PLXDC2: variants seen among roughly 807,000 people sequenced by gnomAD.
PLXDC2 encodes the protein plexin domain containing 2.
In PLXDC2, 40 loss-of-function variants were observed where a neutral mutation model predicts 68.9. The observed-to-expected ratio is 0.58, with a 90% CI of 0.45 to 0.76. PLXDC2 has a LOEUF of 0.76. Among genes scored for constraint, PLXDC2 ranks in the 30% least tolerant of loss-of-function variants. PLXDC2 has a pLI of 0.00. For synonymous variants in PLXDC2, 243 were observed against 234.2 expected (o/e 1.04, Z -0.34); for missense variants, 644 against 661.9 (o/e 0.97, Z 0.30).
intron 6 of PLXDC2, among the ~76,000 whole-genome samples, chr10:20,153,214 G>T (rs1834173396): frequency 6.6e-6 from 1 of 152,162 alleles, no homozygotes; most frequent in African/African-American, 2.4e-5. Flanking sequence ...GCTATGGAAT[G>T]AAAATGACTA....
intron 7 of PLXDC2, among the ~76,000 whole-genome samples, chr10:20,170,001 A>G (rs984404445): frequency 6.6e-6 from 1 of 152,236 alleles, no homozygotes; most frequent in African/African-American, 2.4e-5. Context: ...GTTACAATGC[A>G]CCTTTGCTTG....
chr10:20,142,613 T>A (rs1054140153), intron 4 of PLXDC2, among the ~76,000 whole-genome samples: 6 of 152,082 alleles, frequency 3.9e-5, no homozygotes. Context: ...ATTATCCAAC[T>A]GCTAGAATAG....
intron 1 of PLXDC2, among the ~76,000 whole-genome samples, chr10:19,860,435 G>T (rs1837297513): frequency 6.6e-6 from 1 of 152,152 alleles, no homozygotes; most frequent in Non-Finnish European, 1.5e-5. Context: ...ATGAGCGAAA[G>T]AAATCAATGA....
chr10:20,060,306 G>A (rs953193403), intron 3 of PLXDC2, among the ~76,000 whole-genome samples: 2 of 151,932 alleles, frequency 1.3e-5, no homozygotes, highest in Non-Finnish European at 2.9e-5. Context: ...ACAAGTGTGA[G>A]CCACCACACC....
At chr10:19,989,048 G>T (rs1170900359) in intron 1 of PLXDC2, among the ~76,000 whole-genome samples, 1 of 151,766 alleles carries the variant, frequency 6.6e-6, no homozygotes, top group Non-Finnish European at 1.5e-5. Context: ...GATCCACCAG[G>T]CTTGGCCTCC....
rs200823056 is a variant in PLXDC2 at position 19,916,126 on chromosome 10, G to GTTT, written c.113-85647_113-85645dup. On this transcript the variant is annotated intron_variant, in intron 1 of 13. Transcript: ENST00000377252. ...GGGGAAATTATGTGGAGGGAGTTGT[G>GTTT]TTTTGTTTTGTTTTTTTTTTTTAAT... Among the ~76,000 whole-genome samples, 28 of 125,720 alleles carry GTTT rather than the reference G, an allele frequency of 2.2e-4. 1 individual carries two copies. Among genetic ancestry groups the GTTT allele is most frequent in the Admixed American group, 3.8e-4 (5 of 13,048 alleles). 82.5% of individuals were successfully genotyped at this position (125,720 alleles called of 152,430 possible).
At chr10:20,103,666 C>T (rs1202518732) in intron 4 of PLXDC2, among the ~76,000 whole-genome samples, 3 of 138,272 alleles carry the variant, frequency 2.2e-5, no homozygotes, top group South Asian at 2.2e-4. Flanking sequence ...TTTTTTGAGA[C>T]GGAGTATCGT....
At chr10:20,188,156 T>A (rs1834711786) in intron 9 of PLXDC2, among the ~76,000 whole-genome samples, 1 of 151,610 alleles carries the variant, frequency 6.6e-6, no homozygotes, top group African/African-American at 2.4e-5. Context: ...TAAATATATA[T>A]TAAAATAGTT....
intron 1 of PLXDC2, among the ~76,000 whole-genome samples, chr10:19,827,979 T>C (rs1836606823): frequency 6.6e-6 from 1 of 152,220 alleles, no homozygotes; most frequent in Non-Finnish European, 1.5e-5. Flanking sequence ...ATACATCTAA[T>C]TGTTTCCTAG....
Position 19,917,336 on chromosome 10 carries a change from G to T in PLXDC2, c.113-84439G>T, listed in dbSNP as rs186264705. ...TTATGTTCTTGGTGGGCTACAGTTCGCTTTAAGCTCAGCCAGGCTACCTTA... is the reference window on the plus strand; with the variant it reads ...TTATGTTCTTGGTGGGCTACAGTTCTCTTTAAGCTCAGCCAGGCTACCTTA... On this transcript the variant is annotated intron_variant, in intron 1 of 13. Coordinates refer to ENST00000377252, the MANE Select transcript of PLXDC2 (RefSeq NM_032812.9). Among the ~76,000 whole-genome samples the T allele has an allele frequency of 2.8e-4, 42 of 152,068 alleles. No individual in the cohort carries two copies. In the East Asian group the frequency reaches 5.2e-3, roughly 19 times the overall value.
At chr10:20,149,229 CTTTTTTTTTT>C (rs71200986) in intron 6 of PLXDC2, among the ~76,000 whole-genome samples, 2 of 34,938 alleles carry the variant, frequency 5.7e-5, no homozygotes, top group South Asian at 1.7e-3. Context: ...TTTTTCTTTT[CTTTTTTTTTT>C]TTTTTTTTTT....
At chr10:19,841,268 A>G (rs983577906) in intron 1 of PLXDC2, among the ~76,000 whole-genome samples, 40 of 152,224 alleles carry the variant, frequency 2.6e-4, no homozygotes, top group African/African-American at 9.2e-4. Flanking sequence ...TTAAAAAATC[A>G]GCCCATGCCC....
chr10:19,942,788 C>G (rs1444303901), intron 1 of PLXDC2, among the ~76,000 whole-genome samples: 2 of 151,958 alleles, frequency 1.3e-5, no homozygotes, highest in Non-Finnish European at 2.9e-5. Flanking sequence ...GAAAACAAAA[C>G]CAAAAAACCG....
intron 6 of PLXDC2, among the ~76,000 whole-genome samples, chr10:20,154,688 T>G (rs1365567868): frequency 6.6e-6 from 1 of 152,174 alleles, no homozygotes; most frequent in East Asian, 1.9e-4. Context: ...TGACTTGTCT[T>G]ATCTCTATTC....
intron 1 of PLXDC2, among the ~76,000 whole-genome samples, chr10:19,879,857 A>G (rs1837697654): frequency 6.6e-6 from 1 of 152,120 alleles, no homozygotes. Context: ...GCCATTCTGA[A>G]TGTTTGGAAA....
intron 12 of PLXDC2, among the ~76,000 whole-genome samples, chr10:20,238,563 C>G (rs1835464375): frequency 6.7e-6 from 1 of 150,090 alleles, no homozygotes; most frequent in African/African-American, 2.4e-5. Context: ...AGGAGAATTA[C>G]CTGAATCCGG....
intron 1 of PLXDC2, among the ~76,000 whole-genome samples, chr10:19,931,281 T>C (rs529093692): frequency 6.6e-6 from 1 of 152,342 alleles, no homozygotes; most frequent in Admixed American, 6.5e-5. Flanking sequence ...GCTTCCAGTG[T>C]GCACTCCTTC....
chr10:20,124,728 C>T (rs1265664602), intron 4 of PLXDC2, among the ~76,000 whole-genome samples: 1 of 149,102 alleles, frequency 6.7e-6, no homozygotes, highest in African/African-American at 2.5e-5. Flanking sequence ...GTGGGGGTCA[C>T]AAGGTACTCA....
chr10:20,263,739 T>C (rs548799152), intron 13 of PLXDC2, among the ~76,000 whole-genome samples: 16 of 152,154 alleles, frequency 1.1e-4, no homozygotes, highest in Admixed American at 3.9e-4. Context: ...CACTGATCAT[T>C]AAAGAAATGC....
Sources: gnomAD v4.1 joint callset for allele counts (sites outside exome capture counted in the v4.1 genomes callset) on GRCh38, gnomAD v4.1.1 for gene constraint, MANE v1.5 for transcripts, NCBI Gene and HGNC (gene_info 2026-07-23, HGNC 2026-07-21) for gene names.